Variants in CUBN observed in about 807,000 individuals in gnomAD.
CUBN encodes cubilin.
Under a neutral mutation model 405.3 loss-of-function variants are expected in CUBN, and 282 were observed. The ratio of observed to expected loss-of-function variants is 0.70; its 90% CI spans 0.63 to 0.77. The LOEUF is 0.77. CUBN is among the 30% of genes least tolerant of loss of function. CUBN has a pLI of 0.00. For synonymous variants in CUBN, 1,684 were observed against 1,617.0 expected, an observed-to-expected ratio of 1.04 and a Z score of -0.99; for missense variants, 4,514 against 4,475.2, an observed-to-expected ratio of 1.01 and a Z score of -0.25.
At chr10:16,940,337 ACTTT>A in intron 36 of CUBN, 100 bp from the exon 37 acceptor site, 1 of 1,103,920 alleles carries the variant, frequency 9.1e-7, no homozygotes, top group Non-Finnish European at 1.4e-6. Context: ...ACTTTTTTAA[ACTTT>A]CTTTAACTTT....
At chr10:16,857,675 T>C (rs1329923469) in intron 59 of CUBN, among the ~76,000 whole-genome samples, 2 of 152,200 alleles carry the variant, frequency 1.3e-5, no homozygotes, top group Non-Finnish European at 2.9e-5. Flanking sequence ...GAGAAATTTC[T>C]TGACTTGATA....
At chr10:16,932,065 C>T (rs1391932628) in intron 40 of CUBN, among the ~76,000 whole-genome samples, 1 of 152,102 alleles carries the variant, frequency 6.6e-6, no homozygotes. Flanking sequence ...GTGCAACGTG[C>T]TGATAGCCGA....
chr10:17,057,559 A>G (rs36049030), intron 22 of CUBN, among the ~76,000 whole-genome samples: 25,517 of 152,024 alleles, frequency 0.17, 2,510 homozygotes, highest in Middle Eastern at 0.29. Flanking sequence ...AAAGTTAAAC[A>G]TATCATTACC....
At position 17,068,666 on chromosome 10, in the gene CUBN, G is replaced by C. The variant is rs1588622373; in HGVS notation, c.2730C>G (p.Phe910Leu). 2 of 1,612,460 alleles carry C rather than the reference G, an allele frequency of 1.2e-6. No individual in the cohort carries two copies. The highest frequency in any genetic ancestry group is 1.7e-5 in the Admixed American group (1 of 59,946). The change falls in exon 20 of 67, where the codon TTC (phenylalanine) becomes TTG (leucine). Residue 910 changes from phenylalanine (F) to leucine (L), a missense_variant. Phe to Leu is a conservative substitution (Grantham distance 22, BLOSUM62 0). Around this residue, in one of 5 missense-constraint regions of CUBN, gnomAD observed 1,448 missense variants for 1,388.0 expected, o/e 1.04. Coordinates refer to ENST00000377833, the MANE Select transcript of CUBN (RefSeq NM_001081.4). ...TSVYNFLYVT[F>L]VKSSSTENHG... ...GGTTTTCAGTAGAAGAACTTTTCAC[G>C]AATGTGACATAAAGAAAATTGTACA...
At chr10:16,842,649 C>T (rs1184404037) in intron 60 of CUBN, among the ~76,000 whole-genome samples, 1 of 152,216 alleles carries the variant, frequency 6.6e-6, no homozygotes, top group Non-Finnish European at 1.5e-5. Flanking sequence ...AATTCCGGAG[C>T]AGCCATAGTG....
intron 59 of CUBN, among the ~76,000 whole-genome samples, chr10:16,862,960 C>T (rs1194114474): frequency 2.0e-5 from 3 of 152,210 alleles, no homozygotes; most frequent in Non-Finnish European, 4.4e-5. Flanking sequence ...TTCACAAGGA[C>T]AGCCCCATCC....
chr10:16,869,952 A>G lies in CUBN; in HGVS notation c.9237-99T>C, dbSNP rs530432171. ...AAAAAATGACAAGGAAAAAACTACC[A>G]GTAGAGCATTCAAAACTCACTTGAT... On this transcript the variant is annotated intron_variant, in intron 58 of 66. Coordinates refer to ENST00000377833, the MANE Select transcript of CUBN (RefSeq NM_001081.4). 14 of 811,122 alleles carry G rather than the reference A, an allele frequency of 1.7e-5. No individual in the cohort carries two copies. The Middle Eastern group carries it at 7.2e-4, about 42-fold the overall frequency. 50.2% of individuals were successfully genotyped at this position (811,122 alleles called of 1,614,324 possible).
At position 16,999,779 on chromosome 10, in the gene CUBN, A is replaced by T. The variant is rs184347680; in HGVS notation, c.4169-9264T>A. ...ATATTATTCAAACCTGCATTCCTTC[A>T]ATTTCATTATTTTGGTACACAGGGC... On this transcript the variant is annotated intron_variant, in intron 28 of 66. Transcript: ENST00000377833. Among the ~76,000 whole-genome samples the T allele has an allele frequency of 3.9e-4, 59 of 152,270 alleles. 1 individual carries two copies. Among genetic ancestry groups the T allele is most frequent in the African/African-American group, 1.4e-3 (58 of 41,556 alleles).
intron 64 of CUBN, among the ~76,000 whole-genome samples, chr10:16,834,559 C>T (rs1839112009): frequency 6.6e-6 from 1 of 152,142 alleles, no homozygotes; most frequent in African/African-American, 2.4e-5. Flanking sequence ...TTGACGATGC[C>T]CCAAACTTAC....
At chr10:17,051,264 G>A (rs540460808) in intron 22 of CUBN, among the ~76,000 whole-genome samples, 3 of 152,130 alleles carry the variant, frequency 2.0e-5, no homozygotes, top group Non-Finnish European at 4.4e-5. Flanking sequence ...AGGAGGCTAA[G>A]GCAGGAGGAT....
At chr10:16,887,257 C>T (rs994737042) in intron 56 of CUBN, among the ~76,000 whole-genome samples, 15 of 152,280 alleles carry the variant, frequency 9.9e-5, no homozygotes, top group South Asian at 2.1e-4. Flanking sequence ...AAATTAAAAG[C>T]TATGTTAACA....
chr10:17,092,767 T>A (rs1266174492), intron 14 of CUBN, among the ~76,000 whole-genome samples: 2 of 152,166 alleles, frequency 1.3e-5, no homozygotes, highest in African/African-American at 4.8e-5. Flanking sequence ...AGAAAACTGA[T>A]GAATAATTCA....
intron 31 of CUBN, among the ~76,000 whole-genome samples, chr10:16,955,234 G>A (rs1843022434): frequency 1.3e-5 from 2 of 152,084 alleles, no homozygotes; most frequent in African/African-American, 2.4e-5. Flanking sequence ...TTAGCCAGGT[G>A]TGGTGGTGTG....
At position 17,106,554 on chromosome 10, in the gene CUBN, T is replaced by G. The variant is rs1409991296; in HGVS notation, c.1112-979A>C. On this transcript the variant is annotated intron_variant, in intron 10 of 66. Transcript: ENST00000377833. ...TGGAGGTTGCAGTGAGCCAAGATCC[T>G]GCCACTGCACTCCAGCCTGGGAGAC... Among the ~76,000 whole-genome samples the G allele has an allele frequency of 3.4e-5, 5 of 146,124 alleles. No individual in the cohort carries two copies. In the East Asian group the frequency reaches 1.0e-3, roughly 29 times the overall value.
At chr10:16,873,978 C>A (rs1312037184) in intron 58 of CUBN, among the ~76,000 whole-genome samples, 1 of 152,174 alleles carries the variant, frequency 6.6e-6, no homozygotes, top group Non-Finnish European at 1.5e-5. Context: ...TACAATGAGA[C>A]AATTACGGCA....
intron 36 of CUBN, 137 bp downstream of exon 36, chr10:16,947,098 T>C: frequency 1.1e-6 from 1 of 884,442 alleles, no homozygotes; most frequent in Non-Finnish European, 1.8e-6. Context: ...ACTCAAACTA[T>C]GACTGAAACA....
At chr10:16,964,118 T>C (rs191579148) in intron 31 of CUBN, among the ~76,000 whole-genome samples, 319 of 152,346 alleles carry the variant, frequency 2.1e-3, no homozygotes, top group Admixed American at 4.7e-3. Flanking sequence ...GTATGTTATA[T>C]ACTTTGTATG....
At chr10:17,016,270 A>G (rs1217499808) in intron 28 of CUBN, among the ~76,000 whole-genome samples, 1 of 152,156 alleles carries the variant, frequency 6.6e-6, no homozygotes. Context: ...CTTCTAGAGC[A>G]CAGGTCATTG....
intron 53 of CUBN, among the ~76,000 whole-genome samples, chr10:16,899,713 A>T (rs1841301446): frequency 6.6e-6 from 1 of 152,190 alleles, no homozygotes; most frequent in African/African-American, 2.4e-5. Flanking sequence ...AAGGAAGAAA[A>T]ATCTAGAATT....
Sources: gnomAD v4.1 joint callset for allele counts (sites outside exome capture counted in the v4.1 genomes callset) on GRCh38, gnomAD v4.1.1 for gene constraint, gnomAD v4.1.1 regional missense constraint, MANE v1.5 for transcripts, NCBI Gene and HGNC (gene_info 2026-07-23, HGNC 2026-07-21) for gene names.